Variants in C4orf17 observed in about 807,000 individuals in gnomAD.
C4orf17 encodes the protein uncharacterized protein C4orf17.
C4orf17 carries 25 observed loss-of-function variants against 32.0 expected under a neutral mutation model. The ratio of observed to expected loss-of-function variants is 0.78; its 90% CI spans 0.57 to 1.09. The LOEUF is 1.09. Ranked by LOEUF, C4orf17 falls within the 50% of genes least tolerant of loss-of-function variation. The pLI is 0.00. For missense variants in C4orf17, 420 were observed against 420.0 expected (o/e 1.00, Z 0.00); for synonymous variants, 149 against 145.8 (o/e 1.02, Z -0.16).
chr4:99,535,410 C>T (rs1238409038), intron 5 of C4orf17, among the ~76,000 whole-genome samples: 1 of 152,006 alleles, frequency 6.6e-6, no homozygotes, highest in Non-Finnish European at 1.5e-5. Flanking sequence ...CATAATCCCA[C>T]ATTTCTCGGA....
intron 2 of C4orf17, among the ~76,000 whole-genome samples, chr4:99,521,122 C>T (rs1305082195): frequency 6.6e-6 from 1 of 151,952 alleles, no homozygotes; most frequent in Non-Finnish European, 1.5e-5. Flanking sequence ...GCCTGTAATC[C>T]CAGCACTTCG....
At chr4:99,518,544 T>TAG (rs70958313) in intron 2 of C4orf17, among the ~76,000 whole-genome samples, 596 of 36,756 alleles carry the variant, frequency 0.016, 11 homozygotes, top group South Asian at 0.02. Context: ...TATATATATA[T>TAG]AGAGAGAGAG....
At chr4:99,523,418 G>C (rs1723330536) in intron 3 of C4orf17, among the ~76,000 whole-genome samples, 1 of 152,162 alleles carries the variant, frequency 6.6e-6, no homozygotes, top group Non-Finnish European at 1.5e-5. Flanking sequence ...TCTAAAGATA[G>C]CAATAAGAGT....
chr4:99,524,136 C>G (rs188903699), intron 3 of C4orf17, among the ~76,000 whole-genome samples: 9 of 151,876 alleles, frequency 5.9e-5, no homozygotes, highest in East Asian at 1.9e-4. Context: ...CCCGCCACCA[C>G]GCCCGGCTAA....
At chr4:99,517,954 C>G (rs1279883554) in intron 2 of C4orf17, among the ~76,000 whole-genome samples, 1 of 152,156 alleles carries the variant, frequency 6.6e-6, no homozygotes, top group Non-Finnish European at 1.5e-5. Context: ...ACCAGTGTAT[C>G]CTAACAAATA....
intron 4 of C4orf17, among the ~76,000 whole-genome samples, chr4:99,529,504 A>G (rs1408154423): frequency 2.6e-5 from 4 of 152,220 alleles, no homozygotes; most frequent in Non-Finnish European, 5.9e-5. Context: ...CTTAACAGCA[A>G]ATCTCATGTG....
At chr4:99,518,544 T>TATATATATATATATAG (rs1393245676) in intron 2 of C4orf17, among the ~76,000 whole-genome samples, 1 of 36,830 alleles carries the variant, frequency 2.7e-5, no homozygotes. Context: ...TATATATATA[T>TATATATATATATATAG]AGAGAGAGAG....
At chr4:99,516,420 G>T (rs1487167635) in intron 2 of C4orf17, among the ~76,000 whole-genome samples, 2 of 152,192 alleles carry the variant, frequency 1.3e-5, no homozygotes, top group Non-Finnish European at 2.9e-5. Context: ...CATCAGCATA[G>T]AAATGATATT....
intron 5 of C4orf17, among the ~76,000 whole-genome samples, chr4:99,531,095 C>T (rs1370343481): frequency 6.7e-6 from 1 of 148,630 alleles, no homozygotes; most frequent in Admixed American, 6.7e-5. Flanking sequence ...AGTAGCTAAC[C>T]AGTCACTCTA....
rs371947520 is a variant in C4orf17 at position 99,518,390 on chromosome 4, T to C, written c.128-4110T>C. On this transcript the variant is annotated intron_variant, in intron 2 of 8. Transcript: ENST00000326581. ...AGTTCTAGCTACTCAGAAGCTGAGA[T>C]AGGAGGATCACCTGAGCCCCGAGTT... Among the ~76,000 whole-genome samples the C allele has an allele frequency of 5.5e-5, 8 of 145,842 alleles. No homozygotes were observed. In the East Asian group the frequency reaches 6.2e-4, roughly 11 times the overall value.
intron 2 of C4orf17, among the ~76,000 whole-genome samples, chr4:99,518,843 C>T (rs1279224872): frequency 6.6e-6 from 1 of 151,780 alleles, no homozygotes; most frequent in Non-Finnish European, 1.5e-5. Flanking sequence ...ATAAACTTCC[C>T]CTCATTATTT....
intron 5 of C4orf17, chr4:99,536,042 G>A (rs1723555679): frequency 4.6e-6 from 2 of 435,244 alleles, no homozygotes; most frequent in South Asian, 3.4e-5. Context: ...CCCATACCTA[G>A]AGGTATCATC....
At chr4:99,524,673 C>G in intron 4 of C4orf17, 88 bp downstream of exon 4, 1 of 755,880 alleles carries the variant, frequency 1.3e-6, no homozygotes, top group Non-Finnish European at 2.2e-6. Context: ...GAAAAGTCAC[C>G]ATGTTTCACA....
chr4:99,531,114 T>C (rs562591348), intron 5 of C4orf17, among the ~76,000 whole-genome samples: 1 of 97,810 alleles, frequency 1.0e-5, no homozygotes, highest in South Asian at 3.4e-4. Context: ...TATATCCCAT[T>C]ACCCTTTGTT....
Position 99,529,941 on chromosome 4 carries a change from C to T in C4orf17, c.529C>T (p.Leu177=), listed in dbSNP as rs757665778. The part of the protein sequence containing the change: ...KANTICIPNY[L]DQEIKILAKL... ...AAACACCATTTGCATACCAAACTAT[C>T]TGGATCAGGAAATAAAAGTAAGTAT... Residue 177 remains leucine (L), a synonymous_variant, in exon 5 of 9, where the codon CTG becomes TTG. Transcript: ENST00000326581. The T allele has an allele frequency of 6.2e-7, 1 of 1,609,508 alleles. No individual in the cohort carries two copies. Among genetic ancestry groups the T allele is most frequent in the Non-Finnish European group, 8.5e-7 (1 of 1,178,256 alleles).
intron 8 of C4orf17, 54 bp from the exon 9 acceptor site, chr4:99,541,856 G>C: frequency 8.0e-7 from 1 of 1,245,310 alleles, no homozygotes; most frequent in Non-Finnish European, 1.2e-6. Context: ...ACATGGAGAA[G>C]GTGTATTCAG....
chr4:99,521,234 A>T (rs753002202), intron 2 of C4orf17, among the ~76,000 whole-genome samples: 1 of 152,082 alleles, frequency 6.6e-6, no homozygotes, highest in East Asian at 1.9e-4. Flanking sequence ...TTAGACGGAC[A>T]TGATGGTGCA....
intron 1 of C4orf17, among the ~76,000 whole-genome samples, 154 bp downstream of exon 1, chr4:99,511,426 T>C (rs112790221): frequency 0.025 from 3,767 of 152,088 alleles, 116 homozygotes; most frequent in Middle Eastern, 0.099. Context: ...TTGTTGACTT[T>C]TTTTTTTTCA....
intron 5 of C4orf17, among the ~76,000 whole-genome samples, chr4:99,534,475 T>C (rs1414776618): frequency 6.6e-6 from 1 of 152,234 alleles, no homozygotes; most frequent in Non-Finnish European, 1.5e-5. Flanking sequence ...AAATAATTTA[T>C]ATTCCTTTGG....
Sources: gnomAD v4.1 joint callset for allele counts (sites outside exome capture counted in the v4.1 genomes callset) on GRCh38, gnomAD v4.1.1 for gene constraint, MANE v1.5 for transcripts, NCBI Gene and HGNC (gene_info 2026-07-23, HGNC 2026-07-21) for gene names.